Variants in CYRIB observed in about 807,000 individuals in gnomAD.
CYRIB encodes CYFIP-related Rac1 interactor B.
In CYRIB, 8 loss-of-function variants were observed where a neutral mutation model predicts 44.2. The observed-to-expected ratio is 0.18, with a 90% CI of 0.11 to 0.33. The LOEUF (loss-of-function observed/expected upper bound fraction) is 0.33. CYRIB is among the 10% of genes least tolerant of loss of function. CYRIB has a pLI of 1.00. For missense variants in CYRIB, 185 were observed against 382.8 expected (o/e 0.48, Z 4.31); for synonymous variants, 131 against 127.2 (o/e 1.03, Z -0.20).
intron 10 of CYRIB, among the ~76,000 whole-genome samples, chr8:129,847,828 G>C (rs1437335904): frequency 6.6e-6 from 1 of 152,176 alleles, no homozygotes; most frequent in African/African-American, 2.4e-5. Flanking sequence ...TTGAGATGGA[G>C]TCTCGCTCTG....
At chr8:129,845,486 A>C (rs931285809) in intron 11 of CYRIB, among the ~76,000 whole-genome samples, 4 of 152,252 alleles carry the variant, frequency 2.6e-5, no homozygotes, top group African/African-American at 9.6e-5. Context: ...CTTATGGTTA[A>C]AATAGTTTGA....
At chr8:129,920,440 A>G (rs1397379629) in intron 1 of CYRIB, among the ~76,000 whole-genome samples, 1 of 152,168 alleles carries the variant, frequency 6.6e-6, no homozygotes, top group African/African-American at 2.4e-5. Flanking sequence ...GAAGTTTCAT[A>G]GAGATAATTA....
intron 1 of CYRIB, among the ~76,000 whole-genome samples, chr8:129,974,712 T>A (rs1171566369): frequency 1.3e-5 from 2 of 148,170 alleles, no homozygotes; most frequent in Non-Finnish European, 3.0e-5. Flanking sequence ...AAAAAAAAAA[T>A]CACAGATTTT....
At chr8:129,960,928 C>T (rs1481897658) in intron 2 of CYRIB, among the ~76,000 whole-genome samples, 11 of 139,574 alleles carry the variant, frequency 7.9e-5, no homozygotes, top group East Asian at 6.3e-4. Flanking sequence ...CCAGCCTGGG[C>T]GACAGAGCAA....
At chr8:129,971,505 T>C (rs2095690345) in intron 1 of CYRIB, among the ~76,000 whole-genome samples, 1 of 152,184 alleles carries the variant, frequency 6.6e-6, no homozygotes, top group South Asian at 2.1e-4. Flanking sequence ...TCAGAGAAGT[T>C]GAATAATTTG....
chr8:129,938,093 G>A (rs1458931503), intron 1 of CYRIB, among the ~76,000 whole-genome samples: 2 of 151,658 alleles, frequency 1.3e-5, no homozygotes, highest in South Asian at 4.1e-4. Context: ...AGAGCCTCTC[G>A]TTCGTTATTA....
exon 6 of CYRIB, chr8:129,855,710 A>G: frequency 6.2e-7 from 1 of 1,613,854 alleles, no homozygotes; most frequent in Non-Finnish European, 8.5e-7. Context: ...AATATGGGGT[A>G]CTTGTTAAGG....
chr8:129,894,610 A>G (rs2066986861), intron 2 of CYRIB: 1 of 152,218 alleles, frequency 6.6e-6, no homozygotes, highest in Non-Finnish European at 1.5e-5. Context: ...ACTGATTAGA[A>G]CAGGCTAGCA....
intron 1 of CYRIB, among the ~76,000 whole-genome samples, chr8:129,905,371 C>A (rs1283284667): frequency 1.3e-5 from 2 of 152,130 alleles, no homozygotes; most frequent in African/African-American, 4.8e-5. Context: ...GCGCCTGCCA[C>A]CATTCCCCGC....
chr8:129,976,909 T>C (rs145136595), intron 1 of CYRIB, among the ~76,000 whole-genome samples: 1 of 152,046 alleles, frequency 6.6e-6, no homozygotes, highest in African/African-American at 2.4e-5. Context: ...TGGCGCAATC[T>C]CTGCTTACTG....
At chr8:129,900,543 G>C (rs2071047673) in intron 2 of CYRIB, among the ~76,000 whole-genome samples, 1 of 152,136 alleles carries the variant, frequency 6.6e-6, no homozygotes, top group South Asian at 2.1e-4. Flanking sequence ...AAAACAGCTG[G>C]TGACTTTCTG....
intron 8 of CYRIB, 52 bp downstream of exon 10, chr8:129,852,110 G>C (rs1240323340): frequency 1.8e-6 from 2 of 1,127,496 alleles, no homozygotes; most frequent in Non-Finnish European, 2.5e-6. Context: ...CATCACGTCT[G>C]CCAACAGGGG....
At position 129,925,561 on chromosome 8, in the gene CYRIB, C is replaced by T. The variant is rs1033437426; in HGVS notation, c.-50+14047G>A. Among the ~76,000 whole-genome samples, 4 of 152,116 alleles carry T rather than the reference C, an allele frequency of 2.6e-5. No homozygotes were observed. The South Asian group carries it at 6.2e-4, about 24-fold the overall frequency. ...CCTTATACCTACTCTTTTGGGTTTTCCCTCATGTGGTCTCACTTCTCTCAG... is the reference window on the plus strand; with the variant it reads ...CCTTATACCTACTCTTTTGGGTTTTTCCTCATGTGGTCTCACTTCTCTCAG... On this transcript the variant is annotated intron_variant, in intron 1 of 11. Coordinates refer to ENST00000519824, the Ensembl canonical transcript of CYRIB.
At chr8:130,010,928 C>CTCGT (rs2097199759) in intron 1 of CYRIB, among the ~76,000 whole-genome samples, 1 of 152,148 alleles carries the variant, frequency 6.6e-6, no homozygotes, top group Non-Finnish European at 1.5e-5. Context: ...CCAGCCCCTG[C>CTCGT]TCAGAACCTC....
chr8:129,963,393 G>A (rs544145341), intron 2 of CYRIB, among the ~76,000 whole-genome samples: 1 of 152,242 alleles, frequency 6.6e-6, no homozygotes, highest in Non-Finnish European at 1.5e-5. Flanking sequence ...GCTATACACA[G>A]ATGAAGCAAG....
intron 2 of CYRIB, among the ~76,000 whole-genome samples, chr8:129,960,481 G>A (rs1043335054): frequency 2.0e-5 from 3 of 151,642 alleles, no homozygotes; most frequent in African/African-American, 7.3e-5. Flanking sequence ...TGTAATCCCA[G>A]TTACTCAGGA....
At chr8:129,849,060 C>A (rs1028955079) in intron 10 of CYRIB, among the ~76,000 whole-genome samples, 183 bp downstream of exon 12, 1 of 152,106 alleles carries the variant, frequency 6.6e-6, no homozygotes, top group African/African-American at 2.4e-5. Flanking sequence ...TCATTCTATT[C>A]CACCTGAATA....
chr8:129,921,706 A>G (rs2083696478), intron 1 of CYRIB, among the ~76,000 whole-genome samples: 1 of 152,218 alleles, frequency 6.6e-6, no homozygotes, highest in East Asian at 1.9e-4. Flanking sequence ...ATGTAATGCA[A>G]TGGGATGTAT....
intron 1 of CYRIB, among the ~76,000 whole-genome samples, chr8:129,917,550 T>A (rs2081359549): frequency 6.6e-6 from 1 of 152,076 alleles, no homozygotes; most frequent in Admixed American, 6.5e-5. Flanking sequence ...TAAAAAAAAA[T>A]TTCCAAGATT....
Sources: gnomAD v4.1 joint callset for allele counts (sites outside exome capture counted in the v4.1 genomes callset) on GRCh38, gnomAD v4.1.1 for gene constraint, MANE v1.5 for transcripts, NCBI Gene and HGNC (gene_info 2026-07-23, HGNC 2026-07-21) for gene names.